Variants in MAPKAPK3 observed in about 807,000 individuals in gnomAD.
The protein encoded by MAPKAPK3 is MAP kinase-activated protein kinase 3.
A neutral mutation model predicts 49.2 loss-of-function variants in MAPKAPK3; 35 were observed. That is an observed-to-expected ratio of 0.71 (90% confidence interval 0.54 to 0.94). MAPKAPK3 has a LOEUF of 0.94. Among genes scored for constraint, MAPKAPK3 ranks in the 40% least tolerant of loss-of-function variants. The pLI is 0.00. For missense variants in MAPKAPK3, 398 were observed against 493.1 expected (o/e 0.81, Z 1.83); for synonymous variants, 178 against 188.7 (o/e 0.94, Z 0.46).
chr3:50,642,592 C>T (rs955629697), intron 5 of MAPKAPK3, among the ~76,000 whole-genome samples: 1 of 152,264 alleles, frequency 6.6e-6, no homozygotes. Context: ...GACTGCCTGC[C>T]TAAAGCCAGC....
chr3:50,636,125 C>T (rs767377109), intron 2 of MAPKAPK3, among the ~76,000 whole-genome samples: 7 of 151,968 alleles, frequency 4.6e-5, no homozygotes, highest in Non-Finnish European at 8.8e-5. Flanking sequence ...AAAAAATCTA[C>T]AACTATTACC....
chr3:50,642,132 G>A (rs1260407893), intron 4 of MAPKAPK3, 121 bp from the exon 5 acceptor site: 1 of 712,238 alleles, frequency 1.4e-6, no homozygotes, highest in Non-Finnish European at 2.5e-6. Flanking sequence ...TGGATAGCAG[G>A]AGTGCTGTCA....
Position 50,617,676 on chromosome 3 carries a change from C to T in MAPKAPK3, c.111C>T (p.Tyr37=). The T allele has an allele frequency of 1.2e-6, 2 of 1,612,606 alleles. No homozygotes were observed. The highest frequency in any genetic ancestry group is 1.3e-5 in the African/African-American group (1 of 75,022). ...GGGGGCGGCGGGAGCCCAAGAAGTA[C>T]GCAGTGACCGACGACTACCAGTTGT... ...APGGRREPKK[Y]AVTDDYQLSK... The change falls in exon 2 of 11, where the codon TAC becomes TAT. Residue 37 remains tyrosine, a synonymous_variant. Coordinates refer to ENST00000621469, the MANE Select transcript of MAPKAPK3 (RefSeq NM_001243925.2).
At chr3:50,629,503 GGC>G (rs36079014) in intron 2 of MAPKAPK3, among the ~76,000 whole-genome samples, 14,211 of 152,198 alleles carry the variant, frequency 0.093, 814 homozygotes, top group Non-Finnish European at 0.12. Flanking sequence ...CCCTCCTTGT[GGC>G]TCCCTGGGAA....
intron 2 of MAPKAPK3, among the ~76,000 whole-genome samples, chr3:50,638,609 C>T (rs1181144699): frequency 6.6e-6 from 1 of 152,176 alleles, no homozygotes; most frequent in Non-Finnish European, 1.5e-5. Context: ...CCTTGCACTG[C>T]CTGTATTCCC....
Position 50,617,647 on chromosome 3 carries a change from C to T in MAPKAPK3, c.82C>T (p.Pro28Ser), listed in dbSNP as rs375412266. 5 of 1,610,340 alleles carry T rather than the reference C, an allele frequency of 3.1e-6. No individual in the cohort carries two copies. Among genetic ancestry groups the T allele is most frequent in the Admixed American group, 1.7e-5 (1 of 60,008 alleles). Reference protein sequence around the residue: ...APGGPGLGGAPGGRREPKKYA... With the variant: ...APGGPGLGGASGGRREPKKYA... ...CGGCGGACCCGGCTTGGGCGGTGCT[C>T]CGGGGGGGCGGCGGGAGCCCAAGAA... The change falls in exon 2 of 11, where the codon CCG becomes TCG. Residue 28 changes from proline (P) to serine (S), a missense_variant. Pro to Ser is a moderately conservative substitution (Grantham distance 74, BLOSUM62 -1). Coordinates refer to ENST00000621469, the MANE Select transcript of MAPKAPK3 (RefSeq NM_001243925.2).
chr3:50,636,129 T>C (rs1021271001), intron 2 of MAPKAPK3, among the ~76,000 whole-genome samples: 1 of 151,870 alleles, frequency 6.6e-6, no homozygotes, highest in Admixed American at 6.6e-5. Context: ...AATCTACAAC[T>C]ATTACCTGAG....
intron 5 of MAPKAPK3, among the ~76,000 whole-genome samples, chr3:50,643,444 G>A (rs2107599335): frequency 6.6e-6 from 1 of 152,276 alleles, no homozygotes; most frequent in African/African-American, 2.4e-5. Context: ...AGCAGAGTCT[G>A]CTCCTCCTGG....
upstream of MAPKAPK3, among the ~76,000 whole-genome samples, chr3:50,613,460 G>C (rs2032388287): frequency 6.6e-6 from 1 of 152,148 alleles, no homozygotes. Context: ...AATGGGGGTA[G>C]GGGGGATGGA....
chr3:50,614,232 T>C (rs1215871528), upstream of MAPKAPK3: 1 of 152,398 alleles, frequency 6.6e-6, no homozygotes, highest in Non-Finnish European at 1.5e-5. Context: ...CTAGAAACCC[T>C]GGCTCTGATT....
chr3:50,640,067 A>G (rs2033140766), intron 2 of MAPKAPK3, among the ~76,000 whole-genome samples: 1 of 152,132 alleles, frequency 6.6e-6, no homozygotes, highest in South Asian at 2.1e-4. Context: ...AACCCACTCA[A>G]TTTCCATCTG....
chr3:50,646,954 C>G (rs1266443899), intron 9 of MAPKAPK3, 129 bp downstream of exon 9: 1 of 1,052,336 alleles, frequency 9.5e-7, no homozygotes, highest in South Asian at 1.4e-5. Flanking sequence ...CAGGTAGATA[C>G]TAGGGCCTCA....
rs897174632 is a variant in MAPKAPK3, at chr3:50,648,186, T to G, written c.*140T>G. 3 of 924,162 alleles carry G rather than the reference T, an allele frequency of 3.2e-6. No homozygotes were observed. Among genetic ancestry groups the G allele is most frequent in the Non-Finnish European group, 4.8e-6 (3 of 625,908 alleles). 57.2% of individuals were successfully genotyped at this position (924,162 alleles called of 1,614,324 possible). A position where few individuals can be genotyped will look rare whatever the true frequency, so the allele number is the denominator to read the frequency against. On this transcript the variant is annotated 3_prime_UTR_variant, in exon 11 of 11. Transcript: ENST00000621469. ...GTGTTTTAATTTGTCACTCGGAACT[T>G]CAGGATGGAGGACCCTGACCCTAAA...
At chr3:50,644,346 C>A in intron 5 of MAPKAPK3, 63 bp from the exon 6 acceptor site, 2 of 1,598,956 alleles carry the variant, frequency 1.3e-6, no homozygotes, top group South Asian at 1.1e-5. Context: ...CTGAAGATCA[C>A]CTTGGGGCTC....
At chr3:50,626,085 C>CT (rs1186332488) in intron 2 of MAPKAPK3, among the ~76,000 whole-genome samples, 3 of 151,932 alleles carry the variant, frequency 2.0e-5, no homozygotes, top group Non-Finnish European at 4.4e-5. Flanking sequence ...CCGCCACCCC[C>CT]CCATGGCTTG....
chr3:50,648,078 A>G lies in MAPKAPK3; in HGVS notation c.*32A>G. On this transcript the variant is annotated 3_prime_UTR_variant, in exon 11 of 11. Coordinates refer to ENST00000621469, the MANE Select transcript of MAPKAPK3 (RefSeq NM_001243925.2). ...GGGCCTTGGAGGAGCCTGGCCTCTC[A>G]GCCTGCATAACAGACTGAAATGTGC... 1 of 1,600,274 alleles carries G rather than the reference A, an allele frequency of 6.2e-7. No homozygotes were observed. Among genetic ancestry groups the G allele is most frequent in the Non-Finnish European group, 8.5e-7 (1 of 1,173,926 alleles).
chr3:50,646,755 G>A lies in MAPKAPK3; in HGVS notation c.845G>A (p.Arg282His), dbSNP rs747366676. The change falls in exon 9 of 11, where the codon CGC becomes CAC. Residue 282 changes from arginine (R) to histidine (H), a missense_variant. This residue lies in a region of MAPKAPK3 where 152 missense variants were observed against 177.3 expected (regional missense o/e 0.86). Transcript: ENST00000621469. ...EVSEDAKQLI[R>H]LLLKTDPTER... ...GCCCCCCTAGCCAAGCAGCTGATCC[G>A]CCTCCTGTTGAAGACAGACCCCACA... The A allele has an allele frequency of 1.4e-5, 23 of 1,613,868 alleles. No homozygotes were observed. The highest frequency in any genetic ancestry group is 3.3e-5 in the Admixed American group (2 of 59,994).
At position 50,648,146 on chromosome 3, in the gene MAPKAPK3, A is replaced by C; in HGVS notation, c.*100A>C. 1.6e-6 allele frequency: 2 copies of C among 1,214,872 alleles called. No individual in the cohort carries two copies. Among genetic ancestry groups the C allele is most frequent in the Non-Finnish European group, 2.3e-6 (2 of 872,774 alleles). The allele number at this position is 1,214,872 out of a possible 1,614,324, so 75.3% of individuals were successfully genotyped here. ...GGGCCCAGGGTCATTCTTTTAACAAAAGGATTATTTTGTTGTGTTTTAATT... is the reference window on the plus strand; with the variant it reads ...GGGCCCAGGGTCATTCTTTTAACAACAGGATTATTTTGTTGTGTTTTAATT... On this transcript the variant is annotated 3_prime_UTR_variant, in exon 11 of 11. Coordinates refer to ENST00000621469, the MANE Select transcript of MAPKAPK3 (RefSeq NM_001243925.2).
intron 5 of MAPKAPK3, among the ~76,000 whole-genome samples, chr3:50,643,281 C>T (rs2033217472): frequency 6.6e-6 from 1 of 152,196 alleles, no homozygotes; most frequent in Non-Finnish European, 1.5e-5. Flanking sequence ...AGTTGTTGGG[C>T]CACCTTCCAG....
Sources: gnomAD v4.1 joint callset for allele counts (sites outside exome capture counted in the v4.1 genomes callset) on GRCh38, gnomAD v4.1.1 for gene constraint, gnomAD v4.1.1 regional missense constraint, MANE v1.5 for transcripts, NCBI Gene and HGNC (gene_info 2026-07-23, HGNC 2026-07-21) for gene names.